GABRB3: variants seen among roughly 807,000 people sequenced by gnomAD.
GABRB3 encodes the protein gamma-aminobutyric acid type A receptor subunit beta3.
A neutral mutation model predicts 52.1 loss-of-function variants in GABRB3; 14 were observed. The ratio of observed to expected loss-of-function variants is 0.27; its 90% CI spans 0.18 to 0.42. GABRB3 has a LOEUF of 0.42. GABRB3 is among the 10% of genes least tolerant of loss of function. The pLI, the probability that GABRB3 is intolerant of heterozygous loss-of-function variation, is 1.00. For missense variants in GABRB3, 307 were observed against 609.1 expected, an observed-to-expected ratio of 0.50 and a Z score of 5.22; for synonymous variants, 260 against 232.3, an observed-to-expected ratio of 1.12 and a Z score of -1.08.
intron 4 of GABRB3, chr15:26,614,990 T>C (rs1199429578): frequency 6.6e-6 from 1 of 151,022 alleles, no homozygotes; most frequent in Non-Finnish European, 1.5e-5. Context: ...AACCCCCCCC[T>C]CGCCAACTCA....
Position 26,591,289 on chromosome 15 carries a change from A to G in GABRB3, c.462-7875T>C, listed in dbSNP as rs145991916. Among the ~76,000 whole-genome samples, 154 of 152,354 alleles carry G rather than the reference A, an allele frequency of 1.0e-3. 1 individual carries two copies. The highest frequency in any genetic ancestry group is 3.4e-3 in the Middle Eastern group (1 of 294). The stretch of plus-strand genomic sequence containing the variant: ...ACACAAGTAACTGCAAACATACAGA[A>G]GCATAAATTCTCTTATCGCTACGTA... On this transcript the variant is annotated intron_variant, in intron 4 of 8. Transcript: ENST00000311550.
At chr15:26,768,124 T>C (rs1891046409) in intron 3 of GABRB3, among the ~76,000 whole-genome samples, 1 of 152,202 alleles carries the variant, frequency 6.6e-6, no homozygotes, top group African/African-American at 2.4e-5. Context: ...ATACACATTG[T>C]ATGTTACCCA....
intron 3 of GABRB3, among the ~76,000 whole-genome samples, chr15:26,639,458 G>A (rs1384045457): frequency 6.6e-6 from 1 of 151,960 alleles, no homozygotes; most frequent in African/African-American, 2.4e-5. Context: ...ATTTTATTAG[G>A]AATTATGAGA....
At chr15:26,764,741 C>A (rs1890949592) in intron 3 of GABRB3, among the ~76,000 whole-genome samples, 1 of 152,098 alleles carries the variant, frequency 6.6e-6, no homozygotes. Flanking sequence ...TAAGTTGCAC[C>A]AGAAACTTGC....
chr15:26,675,456 TGA>T (rs1217819933), intron 3 of GABRB3, among the ~76,000 whole-genome samples: 1 of 152,104 alleles, frequency 6.6e-6, no homozygotes, highest in Non-Finnish European at 1.5e-5. Context: ...TGCATGTGTG[TGA>T]GTGTGTGTGC....
intron 8 of GABRB3, among the ~76,000 whole-genome samples, chr15:26,555,782 T>C (rs1035185676): frequency 1.3e-5 from 2 of 152,218 alleles, no homozygotes; most frequent in Admixed American, 1.3e-4. Context: ...GGAACCTGAA[T>C]ATATATTGAA....
At chr15:26,720,027 C>T (rs1263766111) in intron 3 of GABRB3, among the ~76,000 whole-genome samples, 1 of 152,150 alleles carries the variant, frequency 6.6e-6, no homozygotes, top group Non-Finnish European at 1.5e-5. Context: ...CATTCCACCA[C>T]AAAAGAAGTG....
rs187677122 is a variant in GABRB3, at chr15:26,556,634, C to T, written c.1080+4298G>A. 4.6e-5 allele frequency among the ~76,000 whole-genome samples: 7 copies of T among 152,308 alleles called. No homozygotes were observed. The East Asian group carries it at 1.4e-3, about 29-fold the overall frequency. On this transcript the variant is annotated intron_variant, in intron 8 of 8. Transcript: ENST00000311550. ...ACAAATAAATTAAGGTCAAGGCTTA[C>T]ATGGTACCACTAGTCTGGGGAGATA...
At chr15:26,650,701 T>C (rs376314424) in intron 3 of GABRB3, among the ~76,000 whole-genome samples, 1 of 152,094 alleles carries the variant, frequency 6.6e-6, no homozygotes, top group African/African-American at 2.4e-5. Flanking sequence ...CTAATTGGTT[T>C]TCTACACTGT....
At chr15:26,682,356 A>G (rs923524972) in intron 3 of GABRB3, among the ~76,000 whole-genome samples, 1 of 152,150 alleles carries the variant, frequency 6.6e-6, no homozygotes, top group African/African-American at 2.4e-5. Context: ...GCGGGTTTCC[A>G]TAAGCTTCCC....
At chr15:26,623,146 T>C (rs749298207) in intron 3 of GABRB3, among the ~76,000 whole-genome samples, 1 of 152,042 alleles carries the variant, frequency 6.6e-6, no homozygotes, top group Non-Finnish European at 1.5e-5. Flanking sequence ...GTACAGCACA[T>C]CGAAAAACAC....
chr15:26,771,514 C>T (rs1891142825), intron 3 of GABRB3, among the ~76,000 whole-genome samples: 1 of 152,216 alleles, frequency 6.6e-6, no homozygotes, highest in Admixed American at 6.5e-5. Context: ...ACAAATGCTC[C>T]TTCCAGAGTG....
rs112047311 is a variant in GABRB3 at position 26,642,465 on chromosome 15, A to C, written c.241-20931T>G. 2.4e-5 allele frequency: 31 copies of C among 1,288,446 alleles called. 1 individual carries two copies. The highest frequency in any genetic ancestry group is 2.1e-4 in the Middle Eastern group (1 of 4,684). 79.8% of individuals were successfully genotyped at this position (1,288,446 alleles called of 1,614,324 possible). A position where few individuals can be genotyped will look rare whatever the true frequency, so the allele number is the denominator to read the frequency against. ...ATTCCAAACTCCTGGAAAGGAAAAAATGAATCTATAAGCCACGTTAGTTCC... is the reference window on the plus strand; with the variant it reads ...ATTCCAAACTCCTGGAAAGGAAAAACTGAATCTATAAGCCACGTTAGTTCC... On this transcript the variant is annotated intron_variant, in intron 3 of 8. Transcript: ENST00000311550.
rs1889267645 is a variant in GABRB3, at chr15:26,710,782, T to C, written c.240+61620A>G. Among the ~76,000 whole-genome samples the C allele has an allele frequency of 1.3e-5, 2 of 152,170 alleles. 1 individual carries two copies. The highest frequency in any genetic ancestry group is 4.1e-4 in the South Asian group (2 of 4,832). Reference sequence around the variant, plus strand: ...CCCATTTTTCAACTGGGTTGTGTCTTCTTACTATTGAGCTATAAACGTTTT... The same window carrying C: ...CCCATTTTTCAACTGGGTTGTGTCTCCTTACTATTGAGCTATAAACGTTTT... On this transcript the variant is annotated intron_variant, in intron 3 of 8. Transcript: ENST00000311550.
chr15:26,765,129 C>CAAAA (rs3917083), intron 3 of GABRB3, among the ~76,000 whole-genome samples: 94,841 of 110,642 alleles, frequency 0.86, 40,893 homozygotes, highest in East Asian at 0.98. Context: ...GACTCCGACT[C>CAAAA]AAAAAAAAAA....
intron 8 of GABRB3, 28 bp downstream of exon 8, chr15:26,560,904 G>C: frequency 6.2e-7 from 1 of 1,613,018 alleles, no homozygotes; most frequent in Non-Finnish European, 8.5e-7. Context: ...GCAGGGACCA[G>C]GTGGGGTCAA....
intron 3 of GABRB3, among the ~76,000 whole-genome samples, chr15:26,740,228 G>A (rs773040875): frequency 5.9e-5 from 9 of 152,104 alleles, no homozygotes; most frequent in Non-Finnish European, 1.0e-4. Flanking sequence ...CTGTAGGAAC[G>A]GGAAGCCCAC....
At chr15:26,575,674 T>C (rs563423291) in intron 6 of GABRB3, among the ~76,000 whole-genome samples, 5 of 152,270 alleles carry the variant, frequency 3.3e-5, no homozygotes, top group African/African-American at 1.2e-4. Flanking sequence ...TTTAAAAAAA[T>C]TTATAATTTG....
At chr15:26,690,497 C>A (rs1470342503) in intron 3 of GABRB3, among the ~76,000 whole-genome samples, 1 of 152,024 alleles carries the variant, frequency 6.6e-6, no homozygotes, top group East Asian at 2.0e-4. Context: ...TAAGATTAAT[C>A]CTGAGCCAAG....
Sources: gnomAD v4.1 joint callset for allele counts (sites outside exome capture counted in the v4.1 genomes callset) on GRCh38, gnomAD v4.1.1 for gene constraint, MANE v1.5 for transcripts, NCBI Gene and HGNC (gene_info 2026-07-23, HGNC 2026-07-21) for gene names.